Variants in ZNF469 observed in about 807,000 individuals in gnomAD.
ZNF469 encodes the protein zinc finger protein 469.
ZNF469 carries 1 observed loss-of-function variant against 1.0 expected under a neutral mutation model. The ratio of observed to expected loss-of-function variants is 1.00; its 90% CI spans 0.35 to 4.73. The LOEUF (loss-of-function observed/expected upper bound fraction) is 4.73, where lower values mean the gene tolerates loss of function less well. Among genes scored for constraint, ZNF469 ranks in the 30% most tolerant of loss-of-function variants. The pLI, the probability that ZNF469 is intolerant of heterozygous loss-of-function variation, is 0.16. For synonymous variants in ZNF469, 2,703 were observed against 2,363.4 expected (o/e 1.14, Z -4.17); for missense variants, 6,100 against 5,356.3 (o/e 1.14, Z -4.33).
the ZNF469 span, among the ~76,000 whole-genome samples, chr16:88,352,072 C>T: frequency 6.6e-6 from 1 of 152,102 alleles, no homozygotes; most frequent in Non-Finnish European, 1.5e-5. Flanking sequence ...AGGGAACACC[C>T]GGAACAGGCA....
Position 88,435,202 on chromosome 16 carries a change from C to A in ZNF469, c.7732C>A (p.Pro2578Thr). ...PHSQQLHPPS[P>T]TEHEVDVKTP... ...CAGCCAGCAGCTGCACCCTCCAAGC[C>A]CTACTGAGCATGAGGTAGATGTGAA... Residue 2578 changes from proline (P) to threonine (T), a missense_variant, in exon 3 of 3, where the codon CCT (proline) becomes ACT (threonine). Transcript: ENST00000565624. 6.4e-7 allele frequency: 1 copy of A among 1,550,388 alleles called. No homozygotes were observed. The highest frequency in any genetic ancestry group is 8.7e-7 in the Non-Finnish European group (1 of 1,146,994).
chr16:88,389,050 TAC>T (rs1269511052), intron 1 of ZNF469, among the ~76,000 whole-genome samples: 1 of 152,264 alleles, frequency 6.6e-6, no homozygotes, highest in African/African-American at 2.4e-5. Flanking sequence ...ACCGCTCTCC[TAC>T]AGTGTGCGCT....
the ZNF469 span, among the ~76,000 whole-genome samples, chr16:88,103,970 A>G: frequency 6.6e-6 from 1 of 152,036 alleles, no homozygotes; most frequent in East Asian, 1.9e-4. Context: ...CGTCACTCTT[A>G]GCTGCAGTGC....
chr16:88,240,132 G>C, the ZNF469 span, among the ~76,000 whole-genome samples: 1 of 151,652 alleles, frequency 6.6e-6, no homozygotes, highest in Non-Finnish European at 1.5e-5. Context: ...GATGATTTAA[G>C]GGGGTGATTC....
the ZNF469 span, among the ~76,000 whole-genome samples, chr16:88,237,820 G>A: frequency 1.0e-4 from 15 of 150,564 alleles, no homozygotes; most frequent in Non-Finnish European, 2.2e-4. Flanking sequence ...CCTGCACTCT[G>A]TGCTCCTGCC....
the ZNF469 span, among the ~76,000 whole-genome samples, chr16:88,183,506 G>T: frequency 6.6e-6 from 1 of 152,206 alleles, no homozygotes; most frequent in Non-Finnish European, 1.5e-5. Flanking sequence ...AGCCTGCTGC[G>T]AAGTGAAGGA....
chr16:88,192,073 G>C, the ZNF469 span: 1 of 152,214 alleles, frequency 6.6e-6, no homozygotes, highest in Non-Finnish European at 1.5e-5. Context: ...CTTTCACCTT[G>C]TGAGGACACT....
In ZNF469 at chr16:88,430,029, C is replaced by T. The variant is rs1306545936; in HGVS notation, c.2559C>T (p.Tyr853=). The change falls in exon 3 of 3, where the codon TAC becomes TAT. Residue 853 remains tyrosine (Y), a synonymous_variant. Coordinates refer to ENST00000565624, the MANE Select transcript of ZNF469 (RefSeq NM_001367624.2). ...CAGAGGCGCTCAACGGCATGGAGTA[C>T]CAGTCGGACAACCCGGAGATCGACA... is the stretch of plus-strand genomic sequence containing the variant. The part of the protein sequence containing the change: ...LITEALNGME[Y]QSDNPEIDSS... The T allele has an allele frequency of 1.3e-6, 2 of 1,550,262 alleles. No individual in the cohort carries two copies. The highest frequency in any genetic ancestry group is 1.7e-6 in the Non-Finnish European group (2 of 1,146,980).
chr16:88,370,534 C>T, the ZNF469 span, among the ~76,000 whole-genome samples: 2 of 152,140 alleles, frequency 1.3e-5, no homozygotes, highest in Admixed American at 1.3e-4. Context: ...TGTCGTGTCA[C>T]CCACGTCTGG....
At chr16:88,109,177 A>G in the ZNF469 span, among the ~76,000 whole-genome samples, 1 of 152,162 alleles carries the variant, frequency 6.6e-6, no homozygotes, top group African/African-American at 2.4e-5. Flanking sequence ...GCTGCATGGA[A>G]AGACTGGTCC....
At chr16:88,175,251 C>A in the ZNF469 span, among the ~76,000 whole-genome samples, 1 of 152,184 alleles carries the variant, frequency 6.6e-6, no homozygotes, top group African/African-American at 2.4e-5. Flanking sequence ...ACCTCACCAA[C>A]AGACACATCA....
chr16:88,162,918 T>C, the ZNF469 span, among the ~76,000 whole-genome samples: 1 of 152,196 alleles, frequency 6.6e-6, no homozygotes, highest in Admixed American at 6.5e-5. Context: ...GTAGCAAGAG[T>C]ATAGCAACAC....
the ZNF469 span, among the ~76,000 whole-genome samples, chr16:88,170,007 G>A: frequency 6.6e-6 from 1 of 152,186 alleles, no homozygotes; most frequent in Non-Finnish European, 1.5e-5. This position sits in a 1 kb window ranked among gnomAD's most constrained non-coding sequence, Gnocchi z 4.2. Flanking sequence ...TTTATGGGGG[G>A]CATGGTGCAG....
the ZNF469 span, among the ~76,000 whole-genome samples, chr16:88,138,017 C>T: frequency 1.1e-4 from 16 of 152,226 alleles, no homozygotes; most frequent in East Asian, 9.7e-4. Context: ...CACCCCATCA[C>T]GGAGCATTCC....
intron 1 of ZNF469, among the ~76,000 whole-genome samples, chr16:88,391,043 G>T (rs1904478933): frequency 6.6e-6 from 1 of 152,238 alleles, no homozygotes; most frequent in African/African-American, 2.4e-5. Flanking sequence ...CTGGCGATGG[G>T]ACCAGCTCCG....
chr16:88,212,827 G>T, the ZNF469 span, among the ~76,000 whole-genome samples: 1 of 151,738 alleles, frequency 6.6e-6, no homozygotes, highest in African/African-American at 2.4e-5. Flanking sequence ...CAAGCAATCC[G>T]CCTGCATTGG....
At chr16:88,206,431 G>A in the ZNF469 span, among the ~76,000 whole-genome samples, 2 of 152,184 alleles carry the variant, frequency 1.3e-5, no homozygotes, top group Non-Finnish European at 2.9e-5. Flanking sequence ...CTTCCTAAGA[G>A]CAAGCAGAGG....
At chr16:88,321,630 C>A in the ZNF469 span, among the ~76,000 whole-genome samples, 7 of 152,124 alleles carry the variant, frequency 4.6e-5, no homozygotes, top group African/African-American at 9.7e-5. Context: ...GCATGTAAGA[C>A]CTCATCTGAT....
chr16:88,242,750 G>A, the ZNF469 span, among the ~76,000 whole-genome samples: 5 of 152,272 alleles, frequency 3.3e-5, no homozygotes, highest in African/African-American at 9.6e-5. Context: ...TTGCCTGAAA[G>A]CATGAGGCAT....
Sources: allele counts gnomAD v4.1 joint callset (sites outside exome capture counted in the v4.1 genomes callset), GRCh38; gene constraint gnomAD v4.1.1; non-coding constraint Gnocchi (gnomAD v3.1); transcripts MANE v1.5; gene names NCBI Gene and HGNC (gene_info 2026-07-23, HGNC 2026-07-21).